PDPN: variants seen among roughly 807,000 people sequenced by gnomAD.
PDPN encodes PA2.26 antigen.
Under a neutral mutation model 23.2 loss-of-function variants are expected in PDPN, and 12 were observed. That is an observed-to-expected ratio of 0.52 (90% CI 0.33 to 0.84). PDPN has a LOEUF of 0.84. PDPN is among the 40% of genes least tolerant of loss of function. The pLI, the probability that PDPN is intolerant of heterozygous loss-of-function variation, is 0.02. For synonymous variants in PDPN, 77 were observed against 76.7 expected (o/e 1.00, Z -0.02); for missense variants, 199 against 212.2 (o/e 0.94, Z 0.39).
At chr1:13,586,177 A>G (rs973248424) in intron 1 of PDPN, among the ~76,000 whole-genome samples, 6 of 152,284 alleles carry the variant, frequency 3.9e-5, no homozygotes, top group African/African-American at 9.6e-5. Context: ...GCTAACCCAC[A>G]TGTGCTTTTC....
chr1:13,607,222 C>T lies in PDPN; in HGVS notation c.117C>T (p.Gly39=), dbSNP rs368225008. 2.2e-5 allele frequency: 35 copies of T among 1,613,852 alleles called. 1 individual carries two copies. Among genetic ancestry groups the T allele is most frequent in the African/African-American group, 2.0e-4 (15 of 74,912 alleles). ...EDDTETTGLE[G]GVAMPGAEDD... is the part of the protein sequence containing the mutation. ...ACACTGAGACTACAGGTTTGGAAGG[C>T]GGCGTTGCCATGCCAGGTGCCGAAG... The change falls in exon 2 of 6, where the codon GGC becomes GGT. Residue 39 remains glycine (G), a synonymous_variant. Coordinates refer to ENST00000621990, the MANE Select transcript of PDPN (RefSeq NM_006474.5).
intron 1 of PDPN, among the ~76,000 whole-genome samples, chr1:13,602,590 C>CT (rs538713638): frequency 4.3e-4 from 66 of 151,986 alleles, no homozygotes; most frequent in African/African-American, 1.4e-3. Context: ...AAAAGTACTT[C>CT]TTTTTTTTGT....
intron 1 of PDPN, among the ~76,000 whole-genome samples, chr1:13,603,089 CAGAGAG>C (rs1193585631): frequency 1.3e-5 from 2 of 151,092 alleles, no homozygotes; most frequent in Non-Finnish European, 3.0e-5. Context: ...GAGAAAAAAA[CAGAGAG>C]AGATAGAAAG....
intron 5 of PDPN, among the ~76,000 whole-genome samples, chr1:13,615,521 C>T (rs1223010471): frequency 6.6e-6 from 1 of 152,052 alleles, no homozygotes; most frequent in East Asian, 1.9e-4. Context: ...CTCCTGACCT[C>T]GTGATCCACC....
chr1:13,603,416 T>A (rs944043424), intron 1 of PDPN, among the ~76,000 whole-genome samples: 1 of 152,136 alleles, frequency 6.6e-6, no homozygotes, highest in African/African-American at 2.4e-5. Flanking sequence ...CATCCTGTAA[T>A]GTGTGCAATC....
intron 2 of PDPN, among the ~76,000 whole-genome samples, chr1:13,609,614 C>T (rs1031982705): frequency 1.9e-4 from 29 of 152,182 alleles, no homozygotes; most frequent in African/African-American, 6.8e-4. Context: ...CCCCTGGCAG[C>T]CACTGTTCTA....
At position 13,583,847 on chromosome 1, in the gene PDPN, T is replaced by A. The variant is rs202164928; in HGVS notation, c.-187T>A. 2.3e-5 allele frequency: 37 copies of A among 1,580,870 alleles called. No individual in the cohort carries two copies. The highest frequency in any genetic ancestry group is 5.6e-5 in the Admixed American group (3 of 53,894). On this transcript the variant is annotated 5_prime_UTR_variant, in exon 1 of 6. Coordinates refer to ENST00000621990, the MANE Select transcript of PDPN (RefSeq NM_006474.5). ...GAAAGTTCTCAACTGCAAAGTTTGC[T>A]GTCCGGCTGCCTAGGGTCTGGGAAG...
intron 1 of PDPN, among the ~76,000 whole-genome samples, chr1:13,598,103 C>T (rs1640545484): frequency 6.6e-6 from 1 of 152,034 alleles, no homozygotes; most frequent in Middle Eastern, 3.2e-3. Flanking sequence ...GCAACTTCTA[C>T]CTCCCAGGTT....
chr1:13,595,781 T>C (rs1370676922), intron 1 of PDPN: 6 of 937,886 alleles, frequency 6.4e-6, no homozygotes, highest in Non-Finnish European at 9.0e-6. Context: ...AGTTCCCCTT[T>C]GCAGGTGCCG....
At chr1:13,585,163 A>G (rs1169499534) in intron 1 of PDPN, among the ~76,000 whole-genome samples, 1 of 152,172 alleles carries the variant, frequency 6.6e-6, no homozygotes, top group African/African-American at 2.4e-5. Flanking sequence ...ATGCTGTGAA[A>G]AGTAAACATT....
chr1:13,602,516 A>T (rs569135494), intron 1 of PDPN, among the ~76,000 whole-genome samples: 2 of 152,344 alleles, frequency 1.3e-5, no homozygotes, highest in African/African-American at 4.8e-5. Context: ...ACTTATTTAA[A>T]AGATTTTTAT....
intron 2 of PDPN, among the ~76,000 whole-genome samples, chr1:13,609,031 C>T (rs1329571905): frequency 2.0e-5 from 3 of 152,188 alleles, no homozygotes; most frequent in Non-Finnish European, 4.4e-5. Context: ...ATTTGGCCCG[C>T]CCACTGTGTT....
chr1:13,599,118 C>A (rs1033917176), intron 1 of PDPN, among the ~76,000 whole-genome samples: 7 of 150,542 alleles, frequency 4.6e-5, no homozygotes, highest in African/African-American at 1.7e-4. Context: ...TCAAGGGATT[C>A]CCCTGCCTCT....
intron 1 of PDPN, chr1:13,584,453 A>G: frequency 1.4e-6 from 1 of 715,258 alleles, no homozygotes; most frequent in Admixed American, 3.0e-5. Flanking sequence ...TTTCCTTCCC[A>G]TAGAGCGGTG....
intron 5 of PDPN, among the ~76,000 whole-genome samples, chr1:13,615,437 C>A (rs1641047395): frequency 6.6e-6 from 1 of 151,936 alleles, no homozygotes; most frequent in Non-Finnish European, 1.5e-5. Flanking sequence ...AGGCATGCAC[C>A]ACCACACCTG....
At chr1:13,585,755 C>T (rs1640160695) in intron 1 of PDPN, 1 of 778,856 alleles carries the variant, frequency 1.3e-6, no homozygotes, top group Non-Finnish European at 2.0e-6. Context: ...GCTGAGTTGC[C>T]TGGCTGCCAG....
intron 1 of PDPN, among the ~76,000 whole-genome samples, chr1:13,594,634 A>G (rs1042695729): frequency 6.6e-6 from 1 of 152,186 alleles, no homozygotes; most frequent in Non-Finnish European, 1.5e-5. Flanking sequence ...TTAACCTCTT[A>G]GCCTCACCAT....
chr1:13,600,593 G>T (rs924071415), intron 1 of PDPN, among the ~76,000 whole-genome samples: 1 of 152,128 alleles, frequency 6.6e-6, no homozygotes, highest in Non-Finnish European at 1.5e-5. Context: ...TTGAACTCCC[G>T]ACCTCAGGTC....
chr1:13,615,826 A>G, intron 5 of PDPN, 79 bp from the exon 6 acceptor site: 1 of 1,278,684 alleles, frequency 7.8e-7, no homozygotes, highest in Non-Finnish European at 1.1e-6. Flanking sequence ...AGCAAAGGAC[A>G]ATAGGAAAAA....
Sources: gnomAD v4.1 joint callset for allele counts (sites outside exome capture counted in the v4.1 genomes callset) on GRCh38, gnomAD v4.1.1 for gene constraint, MANE v1.5 for transcripts, NCBI Gene and HGNC (gene_info 2026-07-23, HGNC 2026-07-21) for gene names.